Variants in PRELID2 observed in about 807,000 individuals in gnomAD.
PRELID2 encodes the protein PRELI domain-containing protein 2.
Under a neutral mutation model 28.4 loss-of-function variants are expected in PRELID2, and 25 were observed. The ratio of observed to expected loss-of-function variants is 0.88; its 90% CI spans 0.64 to 1.23. The LOEUF is 1.23. PRELID2 is among the 50% of genes most tolerant of loss of function. The pLI, the probability that PRELID2 is intolerant of heterozygous loss-of-function variation, is 0.00. For synonymous variants in PRELID2, 76 were observed against 71.6 expected (o/e 1.06, Z -0.31); for missense variants, 201 against 214.4 (o/e 0.94, Z 0.39).
chr5:145,544,619 G>C (rs1440417648), intron 1 of PRELID2, among the ~76,000 whole-genome samples: 3 of 152,058 alleles, frequency 2.0e-5, no homozygotes, highest in Admixed American at 1.3e-4. Flanking sequence ...GGACCAGCTG[G>C]CTTCTTAAAG....
At chr5:145,666,191 C>G in intron 1 of PRELID2, among the ~76,000 whole-genome samples, 1 of 151,964 alleles carries the variant, frequency 6.6e-6, no homozygotes, top group African/African-American at 2.4e-5. Context: ...AACACTCCAG[C>G]TGCAGGTTGG....
the PRELID2 span, among the ~76,000 whole-genome samples, chr5:145,351,412 C>CTT: frequency 6.6e-6 from 1 of 152,084 alleles, no homozygotes; most frequent in Admixed American, 6.5e-5. Flanking sequence ...GGAGAAGCCC[C>CTT]TTATAAAACC....
At chr5:145,707,392 G>A (rs961238718) in intron 1 of PRELID2, among the ~76,000 whole-genome samples, 24 of 152,192 alleles carry the variant, frequency 1.6e-4, no homozygotes, top group Non-Finnish European at 2.8e-4. Flanking sequence ...CGCCAGTAAT[G>A]TCGGAAAGAA....
At chr5:145,247,316 A>G in the PRELID2 span, among the ~76,000 whole-genome samples, 1 of 152,086 alleles carries the variant, frequency 6.6e-6, no homozygotes. Context: ...AGTAATAATA[A>G]AACTCCGGTC....
rs1236204557 is a variant in PRELID2 at position 145,759,592 on chromosome 5, T to C, written c.*944A>G. The C allele has an allele frequency of 3.9e-5, 6 of 152,248 alleles. No individual in the cohort carries two copies. Among genetic ancestry groups the C allele is most frequent in the East Asian group, 1.9e-4 (1 of 5,204 alleles). 9.4% of individuals were successfully genotyped at this position (152,248 alleles called of 1,614,324 possible). A position where few individuals can be genotyped will look rare whatever the true frequency, so the allele number is the denominator to read the frequency against. On this transcript the variant is annotated 3_prime_UTR_variant, in exon 7 of 7. Coordinates refer to ENST00000683046, the MANE Select transcript of PRELID2 (RefSeq NM_205846.3). ...CAATCTCACAAAATTAATTCTATCA[T>C]CTTGTTTCACAAATTTTTTTAAATG...
chr5:145,537,806 A>G (rs1201245994), intron 1 of PRELID2, among the ~76,000 whole-genome samples: 3 of 151,812 alleles, frequency 2.0e-5, no homozygotes, highest in Non-Finnish European at 2.9e-5. Context: ...AATTCTGTTA[A>G]TAGTTTTCTT....
At chr5:145,246,888 G>T in the PRELID2 span, among the ~76,000 whole-genome samples, 1 of 152,090 alleles carries the variant, frequency 6.6e-6, no homozygotes, top group African/African-American at 2.4e-5. Flanking sequence ...AATTGATAAT[G>T]GCCCTTTCCG....
the PRELID2 span, among the ~76,000 whole-genome samples, chr5:145,415,017 T>A: frequency 3.9e-5 from 6 of 152,134 alleles, no homozygotes; most frequent in African/African-American, 1.4e-4. Context: ...TATAGAACTC[T>A]CCACCCCAAA....
At chr5:145,327,228 CATT>C in the PRELID2 span, among the ~76,000 whole-genome samples, 2 of 151,978 alleles carry the variant, frequency 1.3e-5, no homozygotes, top group African/African-American at 4.8e-5. Flanking sequence ...TGAATTCTCC[CATT>C]ATTATTGTAT....
chr5:145,798,351 T>G (rs1210283879), intron 4 of PRELID2, among the ~76,000 whole-genome samples: 1 of 152,056 alleles, frequency 6.6e-6, no homozygotes, highest in Non-Finnish European at 1.5e-5. Context: ...TCCCCAAATT[T>G]GAGGGAGGAA....
intron 1 of PRELID2, among the ~76,000 whole-genome samples, chr5:145,681,854 A>G (rs1303152886): frequency 6.6e-6 from 1 of 152,218 alleles, no homozygotes; most frequent in Non-Finnish European, 1.5e-5. Flanking sequence ...TAAATATTGC[A>G]TCATACCCAG....
At chr5:145,432,901 G>A in the PRELID2 span, among the ~76,000 whole-genome samples, 1 of 151,934 alleles carries the variant, frequency 6.6e-6, no homozygotes, top group African/African-American at 2.4e-5. Flanking sequence ...GTTCAATGTA[G>A]GGGATTTATA....
the PRELID2 span, among the ~76,000 whole-genome samples, chr5:145,379,207 C>T: frequency 1.7e-3 from 254 of 152,226 alleles, 1 homozygote; most frequent in African/African-American, 5.8e-3. Flanking sequence ...GGGAAGGGGC[C>T]AAGGAGGTGC....
the PRELID2 span, among the ~76,000 whole-genome samples, chr5:145,322,769 CG>C: frequency 5.3e-5 from 8 of 151,876 alleles, no homozygotes; most frequent in African/African-American, 1.9e-4. Context: ...CAAAATTGGC[CG>C]GGCACGGTGG....
intron 1 of PRELID2, among the ~76,000 whole-genome samples, chr5:145,656,416 G>T (rs1490576873): frequency 6.6e-6 from 1 of 152,100 alleles, no homozygotes; most frequent in Non-Finnish European, 1.5e-5. Context: ...ATTCCCAAAG[G>T]ATTATAAATC....
At chr5:145,588,066 C>A (rs769021865) in intron 1 of PRELID2, among the ~76,000 whole-genome samples, 1 of 152,158 alleles carries the variant, frequency 6.6e-6, no homozygotes, top group Admixed American at 6.6e-5. Context: ...ATTCCATTTC[C>A]CTTCCAGCAG....
chr5:145,483,678 T>C (rs966195394), intron 1 of PRELID2, among the ~76,000 whole-genome samples: 1 of 152,138 alleles, frequency 6.6e-6, no homozygotes, highest in African/African-American at 2.4e-5. Context: ...TCTATGGAAT[T>C]GAAAACCTAT....
intron 1 of PRELID2, among the ~76,000 whole-genome samples, chr5:145,716,444 C>T (rs1047511648): frequency 6.6e-6 from 1 of 152,134 alleles, no homozygotes; most frequent in Non-Finnish European, 1.5e-5. Flanking sequence ...GGTGGGTGCT[C>T]AGAAACCTCT....
In PRELID2 at chr5:145,554,077, C is replaced by T. The variant is rs1561505097; in HGVS notation, n.71-80762G>A. ...CTGCTAGATGTTAGTTGTCTATATG[C>T]CAAACAAATGAAAAATTCTAGAAGC... On this transcript the variant is annotated intron_variant and non_coding_transcript_variant, in intron 1 of 2. Transcript: ENST00000510259. 2.6e-5 allele frequency among the ~76,000 whole-genome samples: 4 copies of T among 152,028 alleles called. No individual in the cohort carries two copies. The South Asian group carries it at 8.3e-4, about 32-fold the overall frequency.
Sources: gnomAD v4.1 joint callset for allele counts (sites outside exome capture counted in the v4.1 genomes callset) on GRCh38, gnomAD v4.1.1 for gene constraint, MANE v1.5 for transcripts, NCBI Gene and HGNC (gene_info 2026-07-23, HGNC 2026-07-21) for gene names.